The following CFI variants were observed in gnomAD, a reference collection of about 807,000 sequenced individuals.
The protein encoded by CFI is complement factor I.
Under a neutral mutation model 78.8 loss-of-function variants are expected in CFI, and 66 were observed. That is an observed-to-expected ratio of 0.84 (90% CI 0.69 to 1.03). The LOEUF is 1.03. Among genes scored for constraint, CFI ranks in the 50% least tolerant of loss-of-function variants. The pLI is 0.00. For missense variants in CFI, 706 were observed against 704.5 expected (o/e 1.00, Z -0.02); for synonymous variants, 250 against 232.6 (o/e 1.07, Z -0.68).
At chr4:109,737,916 G>T (rs78314565), downstream of CFI, among the ~76,000 whole-genome samples, 2,959 of 152,160 alleles carry the variant, frequency 0.019, 96 homozygotes, top group African/African-American at 0.068. Context: ...GCTGTTCCTG[G>T]TCTCTGTCAC....
chr4:109,740,837 C>T lies in CFI; in HGVS notation c.*56G>A. ...AATTATTAATTATACCGTTTTATTT[C>T]CATTAAATGGAACTCTTGAGAGAAA... On this transcript the variant is annotated 3_prime_UTR_variant, in exon 13 of 13. Coordinates refer to ENST00000394634, the MANE Select transcript of CFI (RefSeq NM_000204.5). 6.8e-7 allele frequency: 1 copy of T among 1,468,382 alleles called. No individual in the cohort carries two copies. The highest frequency in any genetic ancestry group is 9.5e-7 in the Non-Finnish European group (1 of 1,049,048). The allele number at this position is 1,468,382 out of a possible 1,614,324, so 91.0% of individuals were successfully genotyped here. A position where few individuals can be genotyped will look rare whatever the true frequency, so the allele number is the denominator to read the frequency against.
downstream of CFI, among the ~76,000 whole-genome samples, chr4:109,738,957 G>T (rs1377548208): frequency 1.3e-5 from 2 of 152,298 alleles, no homozygotes; most frequent in Non-Finnish European, 2.9e-5. Context: ...TTGTTTAATA[G>T]ATATGAAGTT....
chr4:109,756,973 G>GAAAA (rs1214168747), intron 7 of CFI, among the ~76,000 whole-genome samples: 5 of 138,684 alleles, frequency 3.6e-5, no homozygotes, highest in Non-Finnish European at 7.9e-5. Flanking sequence ...AAGAAAGAAA[G>GAAAA]AAAGAAATTC....
At chr4:109,772,469 C>T (rs919222609) in intron 1 of CFI, among the ~76,000 whole-genome samples, 9 of 152,140 alleles carry the variant, frequency 5.9e-5, no homozygotes, top group Admixed American at 1.3e-4. Context: ...ATTTAAATCA[C>T]CATTGAAACT....
the CFI span, among the ~76,000 whole-genome samples, chr4:109,734,872 A>G: frequency 6.6e-6 from 1 of 152,214 alleles, no homozygotes; most frequent in Admixed American, 6.5e-5. Context: ...TATAAAATAT[A>G]CTATATTTGT....
At chr4:109,731,356 A>G in the CFI span, among the ~76,000 whole-genome samples, 2 of 152,148 alleles carry the variant, frequency 1.3e-5, no homozygotes, top group Non-Finnish European at 2.9e-5. Context: ...AAAAAAAAAG[A>G]AAGTGAGTAA....
At chr4:109,796,890 GA>G (rs1189636262) in intron 1 of CFI, among the ~76,000 whole-genome samples, 2 of 152,166 alleles carry the variant, frequency 1.3e-5, no homozygotes, top group African/African-American at 4.8e-5. Flanking sequence ...CTCATACCCT[GA>G]AGACTGTAAA....
Position 109,741,279 on chromosome 4 carries a change from A to G in CFI, c.1535-169T>C, listed in dbSNP as rs145479873. 148 of 985,420 alleles carry G rather than the reference A, an allele frequency of 1.5e-4. No individual in the cohort carries two copies. The Middle Eastern group carries it at 1.6e-3, about 10-fold the overall frequency. 61.0% of individuals were successfully genotyped at this position (985,420 alleles called of 1,614,324 possible). On this transcript the variant is annotated intron_variant, in intron 12 of 12. Coordinates refer to ENST00000394634, the MANE Select transcript of CFI (RefSeq NM_000204.5). ...TGGGCTTGCAGAGTTGCAGAGATGCAGCTTGGAAAATTCTTTACGAGTCTT... is the reference window on the plus strand; with the variant it reads ...TGGGCTTGCAGAGTTGCAGAGATGCGGCTTGGAAAATTCTTTACGAGTCTT...
the CFI span, among the ~76,000 whole-genome samples, chr4:109,733,323 T>C: frequency 6.6e-6 from 1 of 152,214 alleles, no homozygotes; most frequent in Non-Finnish European, 1.5e-5. Context: ...TCCCAAATTT[T>C]GGCATAAACT....
At chr4:109,757,673 T>A (rs1415384586) in intron 7 of CFI, 90 bp downstream of exon 7, 1 of 830,256 alleles carries the variant, frequency 1.2e-6, no homozygotes, top group Non-Finnish European at 1.9e-6. Context: ...CATATCATGC[T>A]CCATTAACAG....
chr4:109,792,447 A>C (rs10027082), intron 1 of CFI, among the ~76,000 whole-genome samples: 15,562 of 151,944 alleles, frequency 0.1, 1,814 homozygotes, highest in African/African-American at 0.28. Flanking sequence ...GTGGTGGTGC[A>C]CTCCTATAAT....
chr4:109,734,779 G>C, the CFI span, among the ~76,000 whole-genome samples: 3 of 151,968 alleles, frequency 2.0e-5, no homozygotes, highest in Non-Finnish European at 2.9e-5. Context: ...ACTCCAGCCT[G>C]GGCAACAGAG....
chr4:109,745,937 G>A (rs1724355786), intron 11 of CFI, among the ~76,000 whole-genome samples: 1 of 152,066 alleles, frequency 6.6e-6, no homozygotes, highest in Admixed American at 6.6e-5. Context: ...AATTTGCAGA[G>A]TCCAGTGAAA....
intron 11 of CFI, among the ~76,000 whole-genome samples, chr4:109,743,961 G>A (rs745680066): frequency 6.6e-6 from 1 of 151,686 alleles, no homozygotes; most frequent in African/African-American, 2.4e-5. Flanking sequence ...GTTTAGCCTG[G>A]ACAACAGAGC....
At chr4:109,752,339 G>A in intron 8 of CFI, 129 bp downstream of exon 8, 1 of 782,176 alleles carries the variant, frequency 1.3e-6, no homozygotes, top group Non-Finnish European at 2.1e-6. Context: ...GAATAATAAT[G>A]TTATATTTTT....
At chr4:109,736,181 TCTC>T (rs1180110316), downstream of CFI, among the ~76,000 whole-genome samples, 3 of 152,164 alleles carry the variant, frequency 2.0e-5, no homozygotes, top group Non-Finnish European at 4.4e-5. Flanking sequence ...TTGTTTTTCT[TCTC>T]CTTATGTTGA....
At chr4:109,770,346 G>T (rs2126230873) in intron 1 of CFI, among the ~76,000 whole-genome samples, 1 of 152,090 alleles carries the variant, frequency 6.6e-6, no homozygotes, top group Non-Finnish European at 1.5e-5. Flanking sequence ...GATCAGTTGA[G>T]GTCGGGAGTT....
intron 1 of CFI, among the ~76,000 whole-genome samples, chr4:109,785,303 T>G (rs1402853828): frequency 6.6e-6 from 1 of 152,074 alleles, no homozygotes. Flanking sequence ...AGTGAAAAAT[T>G]TTAAAAATAA....
chr4:109,760,286 A>T lies in CFI; in HGVS notation c.867T>A (p.Asp289Glu). The part of the protein sequence containing the change: ...NGEVDCITGE[D>E]EVGCAGFASV... ...TTCAATTACCTGCACAGCCAACTTC[A>T]TCTTCCCCTGTAATGCAGTCCACCT... is the stretch of plus-strand genomic sequence containing the variant. The change falls in exon 6 of 13, where the codon GAT (aspartate) becomes GAA (glutamate). Residue 289 changes from aspartate to glutamate, a missense_variant. By Grantham distance (45) the Asp-to-Glu change is conservative. Transcript: ENST00000394634. 1 of 1,613,704 alleles carries T rather than the reference A, an allele frequency of 6.2e-7. No individual in the cohort carries two copies. Among genetic ancestry groups the T allele is most frequent in the South Asian group, 1.1e-5 (1 of 91,070 alleles).
Sources: allele counts gnomAD v4.1 joint callset (sites outside exome capture counted in the v4.1 genomes callset), GRCh38; gene constraint gnomAD v4.1.1; transcripts MANE v1.5; gene names NCBI Gene and HGNC (gene_info 2026-07-23, HGNC 2026-07-21).